The following SMG9 variants were observed in gnomAD, a reference collection of about 807,000 sequenced individuals.
SMG9 encodes the protein SMG9 nonsense mediated mRNA decay factor.
In SMG9, 55 loss-of-function variants were observed where a neutral mutation model predicts 64.0. The ratio of observed to expected loss-of-function variants is 0.86; its 90% CI spans 0.69 to 1.08. The LOEUF is 1.08. Ranked by LOEUF, SMG9 falls within the 50% of genes least tolerant of loss-of-function variation. SMG9 has a pLI of 0.00. For synonymous variants in SMG9, 244 were observed against 254.8 expected, an observed-to-expected ratio of 0.96 and a Z score of 0.41; for missense variants, 554 against 681.3, an observed-to-expected ratio of 0.81 and a Z score of 2.08.
intron 5 of SMG9, among the ~76,000 whole-genome samples, chr19:43,745,791 C>T (rs568199820): frequency 2.0e-5 from 3 of 152,254 alleles, no homozygotes; most frequent in East Asian, 1.9e-4. Context: ...CACCTGAGGT[C>T]GGGAGTTACA....
At chr19:43,738,246 C>T (rs1332970274) in intron 7 of SMG9, 29 bp from the exon 8 acceptor site, 5 of 1,597,300 alleles carry the variant, frequency 3.1e-6, no homozygotes, top group Non-Finnish European at 4.3e-6. Context: ...CAGAGTGTCA[C>T]TCAGATACCC....
chr19:43,747,302 G>A, intron 5 of SMG9, 140 bp downstream of exon 5: 2 of 745,836 alleles, frequency 2.7e-6, no homozygotes, highest in Non-Finnish European at 4.5e-6. Context: ...CTCTGGTTAG[G>A]TGAGAATGTT....
chr19:43,751,912 T>C (rs1029083184), intron 1 of SMG9, among the ~76,000 whole-genome samples: 10 of 152,240 alleles, frequency 6.6e-5, no homozygotes, highest in Non-Finnish European at 1.2e-4. Context: ...ACTATTAAAA[T>C]GCTCCAACAT....
At position 43,744,656 on chromosome 19, in the gene SMG9, G is replaced by T. The variant is rs1226215198; in HGVS notation, c.701+116C>A. ...CATGAAGACACTGAGGTCTACAGAA[G>T]AAAAGCAACTTTCCAAAGTCCTTTG... On this transcript the variant is annotated intron_variant, in intron 6 of 13. Coordinates refer to ENST00000270066, the MANE Select transcript of SMG9 (RefSeq NM_019108.4). 16 of 660,230 alleles carry T rather than the reference G, an allele frequency of 2.4e-5. No homozygotes were observed. In the Admixed American group the frequency reaches 4.6e-4, roughly 19 times the overall value. The allele number at this position is 660,230 out of a possible 1,614,324, so 40.9% of individuals were successfully genotyped here. A position where few individuals can be genotyped will look rare whatever the true frequency, so the allele number is the denominator to read the frequency against.
chr19:43,733,140 C>T lies in SMG9; in HGVS notation c.1340-138G>A, dbSNP rs2146358323. The T allele has an allele frequency of 3.0e-6, 4 of 1,313,858 alleles. No individual in the cohort carries two copies. In the East Asian group the frequency reaches 9.4e-5, roughly 31 times the overall value. The allele number at this position is 1,313,858 out of a possible 1,614,324, so 81.4% of individuals were successfully genotyped here. On this transcript the variant is annotated intron_variant, in intron 12 of 13. Coordinates refer to ENST00000270066, the MANE Select transcript of SMG9 (RefSeq NM_019108.4). ...TTCCTGTACTTCTATGACTCTGAAA[C>T]ACACTCCTAATAAAGGGTCCACACA...
chr19:43,735,304 A>G (rs1968620322), intron 9 of SMG9, among the ~76,000 whole-genome samples: 1 of 152,156 alleles, frequency 6.6e-6, no homozygotes, highest in South Asian at 2.1e-4. Flanking sequence ...AGTTTTGGCA[A>G]TTATGGATAC....
Position 43,731,343 on chromosome 19 carries a change from T to G in SMG9, c.*253A>C, listed in dbSNP as rs1968476896. 7.7e-7 allele frequency: 1 copy of G among 1,297,204 alleles called. No homozygotes were observed. Among genetic ancestry groups the G allele is most frequent in the Non-Finnish European group, 9.8e-7 (1 of 1,019,158 alleles). 80.4% of individuals were successfully genotyped at this position (1,297,204 alleles called of 1,614,324 possible). ...TCAGACTCCTCCCACTGCTTGTCCC[T>G]GTGGAGGACACAGGACGGGCTACCC... On this transcript the variant is annotated 3_prime_UTR_variant, in exon 14 of 14. Transcript: ENST00000270066.
At chr19:43,743,063 A>C (rs1408442841) in intron 6 of SMG9, among the ~76,000 whole-genome samples, 2 of 151,636 alleles carry the variant, frequency 1.3e-5, no homozygotes, top group Admixed American at 1.3e-4. Flanking sequence ...TGACAGAGCG[A>C]GACTGTCTCA....
intron 13 of SMG9, 66 bp downstream of exon 13, chr19:43,732,792 A>C: frequency 1.3e-6 from 2 of 1,591,462 alleles, no homozygotes; most frequent in Non-Finnish European, 1.7e-6. Flanking sequence ...GATCTAAGGG[A>C]CGCCCCCTTC....
intron 6 of SMG9, among the ~76,000 whole-genome samples, chr19:43,743,536 C>T (rs1288385188): frequency 6.6e-6 from 1 of 152,188 alleles, no homozygotes; most frequent in East Asian, 1.9e-4. Context: ...TGGCTCACAC[C>T]TGTAATCCCA....
rs1568382882 is a variant in SMG9, at chr19:43,750,594, T to C, written c.148A>G (p.Arg50Gly). ...DYIAPWERERRDASEETSTSV... is the reference protein window; with the variant it reads ...DYIAPWERERGDASEETSTSV... ...TGCTCCTGGGTCCAGACACTCACCC[T>C]TCTCTCTCTTTCCCATGGTGCAATG... Residue 50 changes from arginine to glycine, a missense_variant and splice_region_variant, in exon 2 of 14, where the codon AGG becomes GGG. Transcript: ENST00000270066. 1.9e-6 allele frequency: 3 copies of C among 1,610,084 alleles called. No individual in the cohort carries two copies. Among genetic ancestry groups the C allele is most frequent in the South Asian group, 1.1e-5 (1 of 90,662 alleles).
chr19:43,749,258 G>A (rs951630632), intron 2 of SMG9, among the ~76,000 whole-genome samples: 1 of 152,156 alleles, frequency 6.6e-6, no homozygotes, highest in East Asian at 1.9e-4. Flanking sequence ...CAGGGGAGAG[G>A]CGAGAGAGGC....
chr19:43,751,297 C>A (rs1261666251), intron 1 of SMG9, among the ~76,000 whole-genome samples: 4 of 144,696 alleles, frequency 2.8e-5, no homozygotes, highest in Non-Finnish European at 6.1e-5. Flanking sequence ...CCACACCCGA[C>A]TAATTTTTTT....
rs1381401931 is a variant in SMG9 at position 43,754,072 on chromosome 19, G to A, written c.-7+582C>T. Among the ~76,000 whole-genome samples the A allele has an allele frequency of 2.0e-5, 3 of 152,098 alleles. No homozygotes were observed. The South Asian group carries it at 6.2e-4, about 32-fold the overall frequency. ...GTGACTTCCCGAAAATTAACAAATC[G>A]AATTTACATATTTTTGGGGAGTGTC... On this transcript the variant is annotated intron_variant, in intron 1 of 13. Transcript: ENST00000270066.
At chr19:43,738,257 A>C in intron 7 of SMG9, 40 bp from the exon 8 acceptor site, 1 of 1,565,368 alleles carries the variant, frequency 6.4e-7, no homozygotes, top group Admixed American at 1.7e-5. Context: ...TCAGATACCC[A>C]AGTTTCACAC....
chr19:43,752,896 CCT>C (rs1031375414), intron 1 of SMG9, among the ~76,000 whole-genome samples: 1 of 84,178 alleles, frequency 1.2e-5, no homozygotes, highest in African/African-American at 6.8e-5. Flanking sequence ...AAAGCAAGAC[CCT>C]GTCTAAAAAA....
At chr19:43,739,320 C>G (rs183464903) in intron 7 of SMG9, among the ~76,000 whole-genome samples, 1 of 152,304 alleles carries the variant, frequency 6.6e-6, no homozygotes, top group African/African-American at 2.4e-5. Flanking sequence ...TTACTTGCAT[C>G]GATGCACTGA....
At chr19:43,749,071 G>C (rs983542343) in intron 2 of SMG9, among the ~76,000 whole-genome samples, 3 of 152,196 alleles carry the variant, frequency 2.0e-5, no homozygotes, top group Non-Finnish European at 4.4e-5. Flanking sequence ...CATTTGCAAG[G>C]CTCCAATAAA....
At chr19:43,737,542 C>CCTTTGTCT (rs1272335639) in intron 9 of SMG9, 55 bp downstream of exon 9, 14 of 1,497,304 alleles carry the variant, frequency 9.4e-6, no homozygotes, top group Non-Finnish European at 1.2e-5. Context: ...AGTCTCTGGG[C>CCTTTGTCT]CTTTGTCTCC....
Sources: gnomAD v4.1 joint callset for allele counts (sites outside exome capture counted in the v4.1 genomes callset) on GRCh38, gnomAD v4.1.1 for gene constraint, MANE v1.5 for transcripts, NCBI Gene and HGNC (gene_info 2026-07-23, HGNC 2026-07-21) for gene names.